Variants in DLGAP2 observed in about 807,000 individuals in gnomAD.
DLGAP2 encodes DLG associated protein 2.
In DLGAP2, 26 loss-of-function variants were observed where a neutral mutation model predicts 100.3. The ratio of observed to expected loss-of-function variants is 0.26; its 90% confidence interval spans 0.19 to 0.36. The LOEUF (loss-of-function observed/expected upper bound fraction) is 0.36. Among genes scored for constraint, DLGAP2 ranks in the 10% least tolerant of loss-of-function variants. The pLI, the probability that DLGAP2 is intolerant of heterozygous loss-of-function variation, is 1.00. For synonymous variants in DLGAP2, 886 were observed against 630.1 expected, an observed-to-expected ratio of 1.41 and a Z score of -6.08; for missense variants, 1,858 against 1,453.2, an observed-to-expected ratio of 1.28 and a Z score of -4.53.
chr8:1,519,330 CAT>C (rs1800508406), intron 4 of DLGAP2, among the ~76,000 whole-genome samples: 1 of 152,024 alleles, frequency 6.6e-6, no homozygotes, highest in Non-Finnish European at 1.5e-5. Context: ...AAAATCTAAA[CAT>C]GTGCTTTGTG....
In DLGAP2 at chr8:1,654,043, G is replaced by A. The variant is rs116731036; in HGVS notation, c.1811-14286G>A. On this transcript the variant is annotated intron_variant, in intron 8 of 14. Coordinates refer to ENST00000637795, the MANE Select transcript of DLGAP2 (RefSeq NM_001346810.2). Reference sequence around the variant, plus strand: ...TCTGCGCACTCACTATTTGCCATGTGCATGGTAAAAATAAACTCTCATCAT... The same window carrying A: ...TCTGCGCACTCACTATTTGCCATGTACATGGTAAAAATAAACTCTCATCAT... Among the ~76,000 whole-genome samples the A allele has an allele frequency of 7.3e-3, 1,115 of 152,258 alleles. 13 individuals carry two copies. Among genetic ancestry groups the A allele is most frequent in the African/African-American group, 0.025 (1,028 of 41,546 alleles).
At chr8:1,038,811 A>G (rs748354061) in intron 2 of DLGAP2, among the ~76,000 whole-genome samples, 2 of 152,228 alleles carry the variant, frequency 1.3e-5, no homozygotes, top group African/African-American at 4.8e-5. Flanking sequence ...ACATTTGCTC[A>G]TGGAAACATC....
At chr8:1,227,412 G>C (rs192104492) in intron 2 of DLGAP2, among the ~76,000 whole-genome samples, 2 of 149,542 alleles carry the variant, frequency 1.3e-5, no homozygotes, top group East Asian at 3.9e-4. Context: ...ATCTTTCTCC[G>C]TACATTTACT....
intron 3 of DLGAP2, among the ~76,000 whole-genome samples, chr8:1,448,596 A>G (rs915268680): frequency 6.6e-6 from 1 of 152,224 alleles, no homozygotes; most frequent in Non-Finnish European, 1.5e-5. Flanking sequence ...GTAGATGTCT[A>G]TTAGGTCCAC....
Position 1,695,316 on chromosome 8 carries a change from A to AAG in DLGAP2, c.2797-1830_2797-1829dup, listed in dbSNP as rs750926731. Reference sequence around the variant, plus strand: ...GCACAGTCATGCCCGGCCCTACAGAAAGGGGGCACAGCCATGCCCGGCCCT... The same window carrying AAG: ...GCACAGTCATGCCCGGCCCTACAGAAAGAGGGGGCACAGCCATGCCCGGCCCT... On this transcript the variant is annotated intron_variant, in intron 13 of 14. Transcript: ENST00000637795. Among the ~76,000 whole-genome samples the AAG allele has an allele frequency of 4.3e-3, 479 of 110,612 alleles. 8 individuals are homozygous for AAG. Among genetic ancestry groups the AAG allele is most frequent in the African/African-American group, 0.019 (438 of 23,056 alleles). 72.6% of individuals were successfully genotyped at this position (110,612 alleles called of 152,430 possible).
intron 3 of DLGAP2, chr8:1,296,110 T>G (rs1800166081): frequency 6.6e-6 from 1 of 152,116 alleles, no homozygotes; most frequent in Admixed American, 6.6e-5. Flanking sequence ...GAGTGTTGAT[T>G]TTCAGAAGGG....
At chr8:981,225 A>T (rs1321880312) in intron 2 of DLGAP2, among the ~76,000 whole-genome samples, 2 of 152,108 alleles carry the variant, frequency 1.3e-5, no homozygotes, top group African/African-American at 4.8e-5. Context: ...TCCAAGGCTC[A>T]TCTGGGTTGT....
intron 3 of DLGAP2, among the ~76,000 whole-genome samples, chr8:1,333,734 G>A (rs1232148221): frequency 2.0e-5 from 3 of 152,180 alleles, no homozygotes; most frequent in Non-Finnish European, 2.9e-5. Context: ...GTTTCATATG[G>A]TTCTCACCTA....
rs1554494628 is a variant in DLGAP2 at position 1,164,187 on chromosome 8, G to GACA, written c.74-94664_74-94663insACA. Among the ~76,000 whole-genome samples the GACA allele has an allele frequency of 9.6e-5, 2 of 20,832 alleles. 1 individual carries two copies. Among genetic ancestry groups the GACA allele is most frequent in the Non-Finnish European group, 1.8e-4 (2 of 11,242 alleles). 13.7% of individuals were successfully genotyped at this position (20,832 alleles called of 152,430 possible). ...CAGGGCCCGTCATTTTGGTTTGTGG[G>GACA]GATTTTTCTGTGAGCCCCCAGGGCC... On this transcript the variant is annotated intron_variant, in intron 2 of 14. Transcript: ENST00000637795.
At chr8:925,020 T>C (rs1798784024) in intron 2 of DLGAP2, among the ~76,000 whole-genome samples, 1 of 152,168 alleles carries the variant, frequency 6.6e-6, no homozygotes, top group Non-Finnish European at 1.5e-5. Context: ...TGATAGTTGA[T>C]AATGGTGAAG....
intron 2 of DLGAP2, among the ~76,000 whole-genome samples, chr8:1,250,898 G>A (rs1799024918): frequency 1.3e-5 from 2 of 152,192 alleles, no homozygotes. Flanking sequence ...CCCTTAGGCG[G>A]CTTTGTTGTG....
chr8:830,280 G>A (rs1164837785), intron 1 of DLGAP2, among the ~76,000 whole-genome samples: 1 of 152,102 alleles, frequency 6.6e-6, no homozygotes, highest in Non-Finnish European at 1.5e-5. Flanking sequence ...ATCCCCTCAA[G>A]CATTTATCCT....
intron 2 of DLGAP2, among the ~76,000 whole-genome samples, chr8:1,173,928 C>T (rs539242102): frequency 1.3e-5 from 2 of 152,216 alleles, no homozygotes; most frequent in Non-Finnish European, 2.9e-5. Flanking sequence ...TGAGATGAAC[C>T]TGGTACCTCA....
chr8:1,265,010 G>C (rs150673912), intron 3 of DLGAP2, among the ~76,000 whole-genome samples: 1,571 of 152,198 alleles, frequency 0.01, 12 homozygotes, highest in Non-Finnish European at 0.015. Context: ...ATGATTGTGA[G>C]GGCTCCCCAG....
chr8:1,581,845 C>G (rs1331679314), intron 6 of DLGAP2, among the ~76,000 whole-genome samples: 1 of 151,292 alleles, frequency 6.6e-6, no homozygotes, highest in Non-Finnish European at 1.5e-5. Flanking sequence ...GTGAAGGATA[C>G]AGACAAACCC....
chr8:804,102 G>A (rs532056595), intron 1 of DLGAP2, among the ~76,000 whole-genome samples: 10 of 152,118 alleles, frequency 6.6e-5, no homozygotes, highest in Non-Finnish European at 1.3e-4. Context: ...TTAAGCACTA[G>A]GATATCCCAT....
rs117229254 is a variant in DLGAP2 at position 1,515,064 on chromosome 8, C to A, written c.172+13633C>A. 6.1e-3 allele frequency among the ~76,000 whole-genome samples: 934 copies of A among 152,134 alleles called. 5 individuals are homozygous for A. Among genetic ancestry groups the A allele is most frequent in the Non-Finnish European group, 6.7e-3 (457 of 67,978 alleles). ...CAACGTGCAGGGATACCGATCCCTG[C>A]AGGGAGACCAACATGCAGAAAACGC... On this transcript the variant is annotated intron_variant, in intron 4 of 14. Coordinates refer to ENST00000637795, the MANE Select transcript of DLGAP2 (RefSeq NM_001346810.2).
chr8:1,181,470 C>G (rs1366353163), intron 2 of DLGAP2, among the ~76,000 whole-genome samples: 1 of 152,038 alleles, frequency 6.6e-6, no homozygotes. Context: ...ATAGTATTCT[C>G]ACCTCTAAGT....
At chr8:1,417,910 ATAAAATATTACATTTTCAAAATAGC>A (rs1398650923) in intron 3 of DLGAP2, among the ~76,000 whole-genome samples, 46 of 152,336 alleles carry the variant, frequency 3.0e-4, no homozygotes, top group African/African-American at 1.0e-3. Context: ...TTTTGCTCTG[ATAAAATATTACATTTTCAAAATAGC>A]TACCACTGAC....
Sources: gnomAD v4.1 joint callset for allele counts (sites outside exome capture counted in the v4.1 genomes callset) on GRCh38, gnomAD v4.1.1 for gene constraint, MANE v1.5 for transcripts, NCBI Gene and HGNC (gene_info 2026-07-23, HGNC 2026-07-21) for gene names.